Variants in FAT4 observed in about 807,000 individuals in gnomAD.
FAT4 encodes the protein protocadherin Fat 4.
Under a neutral mutation model 303.9 loss-of-function variants are expected in FAT4, and 84 were observed. The ratio of observed to expected loss-of-function variants is 0.28; its 90% confidence interval spans 0.23 to 0.33. The LOEUF is 0.33. Among genes scored for constraint, FAT4 ranks in the 10% least tolerant of loss-of-function variants. The pLI is 1.00. For missense variants in FAT4, 6,005 were observed against 6,146.8 expected (o/e 0.98, Z 0.77); for synonymous variants, 2,307 against 2,298.8 (o/e 1.00, Z -0.10).
At chr4:125,433,190 G>A (rs1725340176) in intron 7 of FAT4, among the ~76,000 whole-genome samples, 1 of 151,926 alleles carries the variant, frequency 6.6e-6, no homozygotes, top group African/African-American at 2.4e-5. Flanking sequence ...TGATAATGAG[G>A]GCACTCCATA....
At chr4:125,392,696 G>T (rs770666238) in intron 2 of FAT4, among the ~76,000 whole-genome samples, 2 of 152,052 alleles carry the variant, frequency 1.3e-5, no homozygotes, top group Non-Finnish European at 2.9e-5. Context: ...AAATATAAAA[G>T]AACCTAAAAA....
intron 10 of FAT4, 145 bp downstream of exon 10, chr4:125,452,955 T>A: frequency 1.9e-6 from 2 of 1,063,668 alleles, no homozygotes; most frequent in East Asian, 2.5e-5. Context: ...GTTGGTCAAA[T>A]ACTGTTCTAA....
Position 125,451,521 on chromosome 4 carries a change from A to C in FAT4, c.10511A>C (p.Asp3504Ala). 6.2e-7 allele frequency: 1 copy of C among 1,614,188 alleles called. No individual in the cohort carries two copies. The highest frequency in any genetic ancestry group is 1.1e-5 in the South Asian group (1 of 91,086). Residue 3504 changes from aspartate to alanine, a missense_variant, in exon 10 of 18, where the codon GAT (aspartate) becomes GCT (alanine). Physicochemically the swap from Asp to Ala is moderately radical, Grantham distance 126. Coordinates refer to ENST00000394329, the MANE Select transcript of FAT4 (RefSeq NM_001291303.3). ...GCCTCTTTATTAGTCACCCTGGAAGATATAAATGATAACGGGCCCATGCTG... is the reference window on the plus strand; with the variant it reads ...GCCTCTTTATTAGTCACCCTGGAAGCTATAAATGATAACGGGCCCATGCTG... ...GSASLLVTLE[D>A]INDNGPMLTV...
chr4:125,455,623 AAGT>A (rs1726251926), intron 10 of FAT4, among the ~76,000 whole-genome samples: 1 of 152,166 alleles, frequency 6.6e-6, no homozygotes, highest in Non-Finnish European at 1.5e-5. Context: ...ATGGCACAGA[AAGT>A]GTTCTAACTA....
Position 125,321,495 on chromosome 4 carries a change from T to C in FAT4, c.5084T>C (p.Ile1695Thr). The change falls in exon 2 of 18, where the codon ATT becomes ACT. Residue 1695 changes from isoleucine to threonine, a missense_variant. Transcript: ENST00000394329. ...RHTGIIQTAA[I>T]LDREQGACLY... The stretch of plus-strand genomic sequence containing the variant: ...ACTGGTATAATTCAGACCGCAGCCA[T>C]TCTGGACCGGGAGCAAGGAGCATGT... The C allele has an allele frequency of 6.2e-7, 1 of 1,614,122 alleles. No individual in the cohort carries two copies.
chr4:125,384,600 G>C (rs1733664696), intron 2 of FAT4, among the ~76,000 whole-genome samples: 1 of 151,964 alleles, frequency 6.6e-6, no homozygotes, highest in African/African-American at 2.4e-5. Flanking sequence ...CTCCCATTCT[G>C]TGAGGTTTTC....
intron 7 of FAT4, among the ~76,000 whole-genome samples, chr4:125,420,177 T>C (rs760155531): frequency 1.1e-4 from 17 of 152,234 alleles, no homozygotes; most frequent in Non-Finnish European, 2.2e-4. Context: ...CTTTATGATT[T>C]CTTAACACAA....
intron 7 of FAT4, among the ~76,000 whole-genome samples, chr4:125,422,970 A>G (rs1724959710): frequency 6.6e-6 from 1 of 152,156 alleles, no homozygotes; most frequent in South Asian, 2.1e-4. Flanking sequence ...TTGCTATGCA[A>G]AGAGACTGGC....
At chr4:125,378,262 C>T (rs954390444) in intron 2 of FAT4, among the ~76,000 whole-genome samples, 1 of 152,014 alleles carries the variant, frequency 6.6e-6, no homozygotes, top group African/African-American at 2.4e-5. Context: ...TTTAAGAATT[C>T]ATTAAAATGT....
intron 7 of FAT4, among the ~76,000 whole-genome samples, chr4:125,431,001 A>C (rs1725264496): frequency 6.6e-6 from 1 of 151,842 alleles, no homozygotes; most frequent in East Asian, 1.9e-4. Flanking sequence ...CTCATTTTTT[A>C]CTCCCCCCAG....
chr4:125,470,850 T>G (rs1036024344), intron 12 of FAT4, among the ~76,000 whole-genome samples: 15 of 152,240 alleles, frequency 9.9e-5, no homozygotes, highest in Admixed American at 7.2e-4. Context: ...TCAAGAACTT[T>G]TACTTTGCAT....
rs774158501 is a variant in FAT4 at position 125,490,425 on chromosome 4, A to G, written c.13609A>G (p.Lys4537Glu). Residue 4537 changes from lysine to glutamate, a missense_variant, in exon 18 of 18, where the codon AAA becomes GAA. Coordinates refer to ENST00000394329, the MANE Select transcript of FAT4 (RefSeq NM_001291303.3). ...TAACCAGTGCAGGGGGAAGAAGGCC[A>G]AAAATCCCAAAGAGGAGAAGAAACC... ...LCNQCRGKKA[K>E]NPKEEKKPKE... 1 of 1,614,176 alleles carries G rather than the reference A, an allele frequency of 6.2e-7. No individual in the cohort carries two copies. Among genetic ancestry groups the G allele is most frequent in the East Asian group, 2.2e-5 (1 of 44,840 alleles).
chr4:125,362,487 T>G lies in FAT4; in HGVS notation c.5176-36297T>G, dbSNP rs560107219. On this transcript the variant is annotated intron_variant, in intron 2 of 17. Transcript: ENST00000394329. ...TATTAGAAGAGAAATGATTCTTCTCTTCTGATGCAGGGAAAAAGATTCCCA... is the reference window on the plus strand; with the variant it reads ...TATTAGAAGAGAAATGATTCTTCTCGTCTGATGCAGGGAAAAAGATTCCCA... 5.1e-4 allele frequency among the ~76,000 whole-genome samples: 78 copies of G among 152,266 alleles called. No individual in the cohort carries two copies. In the South Asian group the frequency reaches 6.4e-3, roughly 13 times the overall value.
chr4:125,456,461 C>T (rs1020866666), intron 10 of FAT4, among the ~76,000 whole-genome samples: 2 of 151,988 alleles, frequency 1.3e-5, no homozygotes, highest in African/African-American at 4.8e-5. Flanking sequence ...ATGAATCTTA[C>T]ATTTTTTAAA....
intron 7 of FAT4, among the ~76,000 whole-genome samples, chr4:125,431,282 T>C (rs1261556307): frequency 1.3e-5 from 2 of 152,230 alleles, no homozygotes; most frequent in Non-Finnish European, 2.9e-5. Flanking sequence ...GAAATCTCAC[T>C]GTAAGTCTTA....
intron 7 of FAT4, among the ~76,000 whole-genome samples, chr4:125,425,645 G>A (rs553819836): frequency 3.0e-4 from 46 of 152,182 alleles, no homozygotes; most frequent in African/African-American, 8.7e-4. Flanking sequence ...TACTATGAAC[G>A]TACAATACAT....
chr4:125,482,696 A>G (rs1433222771), intron 16 of FAT4, among the ~76,000 whole-genome samples: 1 of 152,192 alleles, frequency 6.6e-6, no homozygotes. Flanking sequence ...GTTCACAGAG[A>G]AAAAGAGCAA....
intron 2 of FAT4, among the ~76,000 whole-genome samples, chr4:125,346,322 CAGT>C (rs1732001303): frequency 6.6e-6 from 1 of 151,838 alleles, no homozygotes; most frequent in Non-Finnish European, 1.5e-5. Context: ...AGTTGGGGTA[CAGT>C]AAGCTTTGGG....
intron 2 of FAT4, among the ~76,000 whole-genome samples, chr4:125,341,160 T>G (rs1731777505): frequency 6.6e-6 from 1 of 152,124 alleles, no homozygotes; most frequent in South Asian, 2.1e-4. Context: ...GGAAAAGCAA[T>G]AGTTCTGAAA....
Sources: gnomAD v4.1 joint callset for allele counts (sites outside exome capture counted in the v4.1 genomes callset) on GRCh38, gnomAD v4.1.1 for gene constraint, MANE v1.5 for transcripts, NCBI Gene and HGNC (gene_info 2026-07-23, HGNC 2026-07-21) for gene names.